KIAA1217: variants seen among roughly 807,000 people sequenced by gnomAD.
The protein encoded by KIAA1217 is sickle tail protein homolog.
Under a neutral mutation model 163.9 loss-of-function variants are expected in KIAA1217, and 88 were observed. That is an observed-to-expected ratio of 0.54 (90% CI 0.45 to 0.64). The LOEUF (loss-of-function observed/expected upper bound fraction) is 0.64. Ranked by LOEUF, KIAA1217 falls within the 30% of genes least tolerant of loss-of-function variation. KIAA1217 has a pLI of 0.00. For missense variants in KIAA1217, 2,372 were observed against 2,475.0 expected, an observed-to-expected ratio of 0.96 and a Z score of 0.88; for synonymous variants, 903 against 923.1, an observed-to-expected ratio of 0.98 and a Z score of 0.39.
chr10:23,750,293 A>G (rs1389462502), intron 1 of KIAA1217, among the ~76,000 whole-genome samples: 2 of 152,192 alleles, frequency 1.3e-5, no homozygotes, highest in Non-Finnish European at 2.9e-5. Context: ...GGAATATGCA[A>G]CCCTTCAAAA....
intron 1 of KIAA1217, among the ~76,000 whole-genome samples, chr10:23,921,232 T>C (rs1336069908): frequency 6.6e-6 from 1 of 152,208 alleles, no homozygotes; most frequent in Non-Finnish European, 1.5e-5. Context: ...TTGGGATTTC[T>C]ATACCCAATA....
At chr10:24,235,070 G>A (rs780053808) in intron 2 of KIAA1217, among the ~76,000 whole-genome samples, 6 of 152,176 alleles carry the variant, frequency 3.9e-5, no homozygotes, top group Non-Finnish European at 8.8e-5. Flanking sequence ...GCCAATAGCA[G>A]AATTCCTTTT....
intron 1 of KIAA1217, among the ~76,000 whole-genome samples, chr10:23,817,080 CA>C (rs1236447527): frequency 2.0e-5 from 3 of 152,016 alleles, no homozygotes; most frequent in African/African-American, 7.2e-5. Context: ...TTTCCCCTTG[CA>C]AAAAAGGCAA....
intron 3 of KIAA1217, among the ~76,000 whole-genome samples, chr10:24,423,112 T>C (rs1463299714): frequency 6.6e-6 from 1 of 151,458 alleles, no homozygotes; most frequent in Non-Finnish European, 1.5e-5. Context: ...AGAGATGGGG[T>C]TTCACTGTGT....
At chr10:24,116,133 C>T (rs945769894) in intron 2 of KIAA1217, among the ~76,000 whole-genome samples, 8 of 152,134 alleles carry the variant, frequency 5.3e-5, no homozygotes, top group African/African-American at 1.9e-4. Context: ...ATCTTGCCCC[C>T]TGGGATCTTG....
intron 1 of KIAA1217, among the ~76,000 whole-genome samples, chr10:23,977,826 G>T (rs935375528): frequency 2.0e-5 from 3 of 152,174 alleles, no homozygotes; most frequent in Admixed American, 2.0e-4. Flanking sequence ...AGACCAGGAG[G>T]AGCAGCTCAG....
At chr10:23,984,176 AC>A (rs1845878887) in intron 1 of KIAA1217, among the ~76,000 whole-genome samples, 2 of 152,150 alleles carry the variant, frequency 1.3e-5, no homozygotes, top group African/African-American at 4.8e-5. Flanking sequence ...TCTTCACTCC[AC>A]CCTACGAGAG....
At chr10:24,014,818 G>A in intron 2 of KIAA1217, among the ~76,000 whole-genome samples, 1 of 152,096 alleles carries the variant, frequency 6.6e-6, no homozygotes, top group East Asian at 1.9e-4. Flanking sequence ...TTTGAGGGCT[G>A]AGAGTTTTTC....
At chr10:24,016,444 C>G (rs982903375) in intron 2 of KIAA1217, among the ~76,000 whole-genome samples, 2 of 152,078 alleles carry the variant, frequency 1.3e-5, no homozygotes, top group Non-Finnish European at 2.9e-5. Context: ...ACAGGAAAAT[C>G]TACCCTGCAG....
chr10:24,244,075 A>G (rs904669826), intron 2 of KIAA1217, among the ~76,000 whole-genome samples: 2 of 152,208 alleles, frequency 1.3e-5, no homozygotes, highest in African/African-American at 4.8e-5. Flanking sequence ...TGAAGAGCAT[A>G]TGAAGTTTTG....
At chr10:23,936,067 T>C (rs1031989458) in intron 1 of KIAA1217, among the ~76,000 whole-genome samples, 3 of 152,098 alleles carry the variant, frequency 2.0e-5, no homozygotes, top group Non-Finnish European at 4.4e-5. Flanking sequence ...ACAGTAAAAA[T>C]ACAGCAGGCA....
chr10:23,869,928 C>T (rs1002367430), intron 1 of KIAA1217, among the ~76,000 whole-genome samples: 18 of 152,014 alleles, frequency 1.2e-4, no homozygotes, highest in Admixed American at 2.0e-4. Flanking sequence ...CCTTAAATAC[C>T]GCCAGCATAT....
intron 1 of KIAA1217, among the ~76,000 whole-genome samples, chr10:23,763,162 A>G (rs1834345291): frequency 1.3e-5 from 2 of 152,194 alleles, no homozygotes; most frequent in South Asian, 2.1e-4. Context: ...AGGAAGAATC[A>G]ATATCATGAA....
intron 7 of KIAA1217, among the ~76,000 whole-genome samples, 161 bp downstream of exon 7, chr10:24,494,765 T>G (rs887119568): frequency 2.0e-5 from 3 of 151,212 alleles, no homozygotes; most frequent in Non-Finnish European, 2.9e-5. Context: ...TTTTGGGGGG[T>G]TTGGTTGCTT....
chr10:24,138,559 G>T (rs1321392379), intron 2 of KIAA1217, among the ~76,000 whole-genome samples: 1 of 149,254 alleles, frequency 6.7e-6, no homozygotes, highest in African/African-American at 2.5e-5. Flanking sequence ...TTTTATTGAT[G>T]ATACAGTTTT....
intron 1 of KIAA1217, among the ~76,000 whole-genome samples, chr10:23,879,598 C>G (rs181812359): frequency 1.3e-5 from 2 of 152,012 alleles, no homozygotes; most frequent in Non-Finnish European, 2.9e-5. Context: ...AGTAGTCCAA[C>G]AGGGTGATGT....
At chr10:24,377,220 G>A (rs140131492) in intron 2 of KIAA1217, among the ~76,000 whole-genome samples, 18 of 152,226 alleles carry the variant, frequency 1.2e-4, no homozygotes, top group Non-Finnish European at 1.6e-4. Context: ...TTGGGTTTGC[G>A]GGTTTGGGGT....
At chr10:23,933,360 C>T (rs1288788881) in intron 1 of KIAA1217, among the ~76,000 whole-genome samples, 1 of 152,184 alleles carries the variant, frequency 6.6e-6, no homozygotes, top group East Asian at 1.9e-4. Flanking sequence ...GTTCCAGAGA[C>T]CCAGGACGTG....
chr10:23,926,656 C>T (rs188820072), intron 1 of KIAA1217, among the ~76,000 whole-genome samples: 3,165 of 151,964 alleles, frequency 0.021, 59 homozygotes, highest in Admixed American at 0.064. Context: ...ACCCGGGAGG[C>T]GGAGGTTGCA....
Sources: allele counts gnomAD v4.1 joint callset (sites outside exome capture counted in the v4.1 genomes callset), GRCh38; gene constraint gnomAD v4.1.1; transcripts MANE v1.5; gene names NCBI Gene and HGNC (gene_info 2026-07-23, HGNC 2026-07-21).